The following NPAS3 variants were observed in gnomAD, a reference collection of about 807,000 sequenced individuals.
NPAS3 encodes the protein neuronal PAS domain protein 3, also known as neuronal PAS domain-containing protein 3.
In NPAS3, 14 loss-of-function variants were observed where a neutral mutation model predicts 73.1. The observed-to-expected ratio is 0.19, with a 90% CI of 0.13 to 0.30. The LOEUF is 0.30. Ranked by LOEUF, NPAS3 falls within the 10% of genes least tolerant of loss-of-function variation. The pLI, the probability that NPAS3 is intolerant of heterozygous loss-of-function variation, is 1.00. For missense variants in NPAS3, 1,096 were observed against 1,250.0 expected (o/e 0.88, Z 1.86); for synonymous variants, 620 against 541.5 (o/e 1.14, Z -2.01).
chr14:33,525,716 T>G, intron 4 of NPAS3, among the ~76,000 whole-genome samples: 1 of 152,126 alleles, frequency 6.6e-6, no homozygotes, highest in East Asian at 1.9e-4. Flanking sequence ...GTAGGACACA[T>G]AAAACCTATT....
At chr14:33,528,633 C>T (rs1256362240) in intron 4 of NPAS3, among the ~76,000 whole-genome samples, 22 of 152,136 alleles carry the variant, frequency 1.4e-4, no homozygotes, top group Admixed American at 9.2e-4. Flanking sequence ...CTCTTCCCAG[C>T]GCCTGCTTAA....
chr14:33,685,126 G>A (rs996826437), intron 6 of NPAS3, among the ~76,000 whole-genome samples: 2 of 152,148 alleles, frequency 1.3e-5, no homozygotes, highest in Non-Finnish European at 1.5e-5. Context: ...TGTCCACGAC[G>A]TGTCAGACAT....
intron 1 of NPAS3, among the ~76,000 whole-genome samples, chr14:33,050,586 T>G (rs953257255): frequency 6.6e-6 from 1 of 152,190 alleles, no homozygotes; most frequent in Non-Finnish European, 1.5e-5. Flanking sequence ...TGAAGCAAAT[T>G]TATTCTGATA....
intron 3 of NPAS3, among the ~76,000 whole-genome samples, chr14:33,240,136 A>C (rs983324529): frequency 6.6e-6 from 1 of 151,896 alleles, no homozygotes; most frequent in Admixed American, 6.6e-5. Context: ...GGAAGGATGC[A>C]TGTAAGAGAG....
At chr14:33,187,160 G>C (rs1364786910) in intron 2 of NPAS3, among the ~76,000 whole-genome samples, 1 of 152,144 alleles carries the variant, frequency 6.6e-6, no homozygotes, top group South Asian at 2.1e-4. Flanking sequence ...TTAGAATAAA[G>C]AGCATCCTTT....
intron 2 of NPAS3, among the ~76,000 whole-genome samples, chr14:33,113,099 G>A (rs574580085): frequency 1.1e-4 from 17 of 152,064 alleles, no homozygotes; most frequent in South Asian, 4.1e-4. Context: ...GTCAGGTAGC[G>A]TGATGCCTCC....
intron 2 of NPAS3, among the ~76,000 whole-genome samples, chr14:33,117,760 A>C (rs2043114487): frequency 6.6e-6 from 1 of 152,116 alleles, no homozygotes; most frequent in South Asian, 2.1e-4. Context: ...TGTTGGTATT[A>C]GTAAATACCT....
At chr14:33,666,272 T>C in intron 5 of NPAS3, among the ~76,000 whole-genome samples, 1 of 152,186 alleles carries the variant, frequency 6.6e-6, no homozygotes, top group East Asian at 1.9e-4. Context: ...TAAGCTCCAG[T>C]GCAGTTAAAA....
chr14:33,410,218 A>G (rs1417243909), intron 4 of NPAS3, among the ~76,000 whole-genome samples: 1 of 152,186 alleles, frequency 6.6e-6, no homozygotes, highest in Non-Finnish European at 1.5e-5. Context: ...CTGAACTCAT[A>G]TAGTTTTTCT....
intron 4 of NPAS3, among the ~76,000 whole-genome samples, chr14:33,375,414 GAT>G (rs1419865635): frequency 6.6e-6 from 1 of 152,154 alleles, no homozygotes; most frequent in Non-Finnish European, 1.5e-5. Context: ...ATTTGCATAT[GAT>G]AAATGAGCTT....
At chr14:33,667,731 C>T (rs2059494033) in intron 5 of NPAS3, among the ~76,000 whole-genome samples, 4 of 151,998 alleles carry the variant, frequency 2.6e-5, no homozygotes, top group Admixed American at 2.6e-4. Flanking sequence ...AATTATACAC[C>T]ATGGCCATGG....
At chr14:33,168,834 C>T (rs1195701915) in intron 2 of NPAS3, among the ~76,000 whole-genome samples, 2 of 152,178 alleles carry the variant, frequency 1.3e-5, no homozygotes, top group African/African-American at 4.8e-5. Context: ...AACTCCAAGG[C>T]AGGCTCAAGC....
chr14:33,650,251 C>G (rs1432917170), intron 5 of NPAS3, among the ~76,000 whole-genome samples: 1 of 152,138 alleles, frequency 6.6e-6, no homozygotes, highest in East Asian at 1.9e-4. Flanking sequence ...GAATATGCTA[C>G]CTTAACGCAA....
chr14:33,394,475 C>T (rs181228000), intron 4 of NPAS3, among the ~76,000 whole-genome samples: 1 of 152,240 alleles, frequency 6.6e-6, no homozygotes, highest in East Asian at 1.9e-4. Context: ...AGATCTTATT[C>T]TATAATCCCC....
intron 5 of NPAS3, among the ~76,000 whole-genome samples, chr14:33,614,916 AAGCAATGT>A (rs2057865998): frequency 8.1e-6 from 1 of 123,704 alleles, no homozygotes; most frequent in African/African-American, 4.1e-5. Flanking sequence ...AGAATGTAAG[AAGCAATGT>A]AAGAATTGTA....
chr14:33,784,754 T>TTA (rs1566538765), intron 9 of NPAS3, among the ~76,000 whole-genome samples: 1 of 124,362 alleles, frequency 8.0e-6, no homozygotes, highest in African/African-American at 3.4e-5. Context: ...TATTTTTTTT[T>TTA]TTTTTTTTTT....
At chr14:33,230,271 G>T (rs1262587200) in intron 3 of NPAS3, among the ~76,000 whole-genome samples, 2 of 152,186 alleles carry the variant, frequency 1.3e-5, no homozygotes, top group African/African-American at 4.8e-5. Flanking sequence ...ATTCTCTGTA[G>T]TTTAACATCA....
chr14:33,436,283 C>T (rs2048987096), intron 4 of NPAS3, among the ~76,000 whole-genome samples: 10 of 152,148 alleles, frequency 6.6e-5, no homozygotes, highest in Admixed American at 6.5e-4. Context: ...ACAAATTAAA[C>T]ATAGACATGT....
intron 3 of NPAS3, among the ~76,000 whole-genome samples, chr14:33,359,259 A>G (rs1303640618): frequency 1.3e-5 from 2 of 152,224 alleles, no homozygotes; most frequent in Non-Finnish European, 2.9e-5. Context: ...TCCCTGTCGT[A>G]TCAGTGGCCT....
Sources: allele counts gnomAD v4.1 joint callset (sites outside exome capture counted in the v4.1 genomes callset), GRCh38; gene constraint gnomAD v4.1.1; transcripts MANE v1.5; gene names NCBI Gene and HGNC (gene_info 2026-07-23, HGNC 2026-07-21).